TCAIM: variants seen among roughly 807,000 people sequenced by gnomAD.
TCAIM encodes the protein T cell activation inhibitor, mitochondrial.
Under a neutral mutation model 58.6 loss-of-function variants are expected in TCAIM, and 36 were observed. That is an observed-to-expected ratio of 0.61 (90% CI 0.47 to 0.81). The LOEUF (loss-of-function observed/expected upper bound fraction) is 0.81, where lower values mean the gene tolerates loss of function less well. Among genes scored for constraint, TCAIM ranks in the 30% least tolerant of loss-of-function variants. TCAIM has a pLI of 0.00. For missense variants in TCAIM, 466 were observed against 579.6 expected, an observed-to-expected ratio of 0.80 and a Z score of 2.01; for synonymous variants, 172 against 193.6, an observed-to-expected ratio of 0.89 and a Z score of 0.93.
intron 1 of TCAIM, among the ~76,000 whole-genome samples, chr3:44,349,754 C>G (rs780658796): frequency 6.6e-6 from 1 of 151,772 alleles, no homozygotes; most frequent in African/African-American, 2.4e-5. Flanking sequence ...TCTGTCTCTA[C>G]CAGAAAGGGA....
At chr3:44,402,883 A>T (rs1300932146) in intron 10 of TCAIM, among the ~76,000 whole-genome samples, 1 of 152,102 alleles carries the variant, frequency 6.6e-6, no homozygotes, top group African/African-American at 2.4e-5. Context: ...CTGGTTGTTT[A>T]GCAGGGTGCC....
rs570759907 is a variant in TCAIM, at chr3:44,372,036, A to G, written c.572+4328A>G. Among the ~76,000 whole-genome samples, 122 of 146,700 alleles carry G rather than the reference A, an allele frequency of 8.3e-4. 4 individuals are homozygous for G. Among genetic ancestry groups the G allele is most frequent in the South Asian group, 1.4e-3 (6 of 4,416 alleles). On this transcript the variant is annotated intron_variant, in intron 5 of 10. Transcript: ENST00000342649. ...AAGGAAGGAAGGAAGGAAGGAAGGA[A>G]GGAAGGAAGGAAGGAAGGAAGGAAG...
chr3:44,362,233 G>A (rs1212821382), intron 4 of TCAIM, among the ~76,000 whole-genome samples: 1 of 152,128 alleles, frequency 6.6e-6, no homozygotes, highest in Non-Finnish European at 1.5e-5. Context: ...GAAACAAACT[G>A]TTATAAAACT....
chr3:44,380,436 A>G (rs1225026913), intron 5 of TCAIM, among the ~76,000 whole-genome samples: 1 of 152,168 alleles, frequency 6.6e-6, no homozygotes, highest in Non-Finnish European at 1.5e-5. Context: ...GAAAATATAG[A>G]TGAATGAAAA....
intron 5 of TCAIM, among the ~76,000 whole-genome samples, chr3:44,386,963 A>G (rs1701753349): frequency 1.3e-5 from 2 of 152,250 alleles, no homozygotes; most frequent in Non-Finnish European, 2.9e-5. Context: ...GGTGAAGTCC[A>G]TGGCCCAGAG....
intron 1 of TCAIM, among the ~76,000 whole-genome samples, chr3:44,344,808 G>A (rs937284807): frequency 6.6e-6 from 1 of 152,048 alleles, no homozygotes; most frequent in Non-Finnish European, 1.5e-5. Flanking sequence ...GTAGGTAGTG[G>A]GGAAGATTAC....
Position 44,409,117 on chromosome 3 carries a change from A to G in TCAIM, c.*1435A>G, listed in dbSNP as rs1702143680. 6.6e-6 allele frequency: 1 copy of G among 152,220 alleles called. No homozygotes were observed. The highest frequency in any genetic ancestry group is 1.5e-5 in the Non-Finnish European group (1 of 68,042). 9.4% of individuals were successfully genotyped at this position (152,220 alleles called of 1,614,324 possible). Reference sequence around the variant, plus strand: ...TTGAAGTATGTTTTATATTTATCTAAAACACTGATTTTAAAAGTTTACATT... The same window carrying G: ...TTGAAGTATGTTTTATATTTATCTAGAACACTGATTTTAAAAGTTTACATT... On this transcript the variant is annotated 3_prime_UTR_variant, in exon 11 of 11. Transcript: ENST00000342649.
intron 5 of TCAIM, among the ~76,000 whole-genome samples, chr3:44,373,587 G>A (rs1481379517): frequency 1.3e-5 from 2 of 152,234 alleles, no homozygotes; most frequent in East Asian, 1.9e-4. Context: ...CCGGGAGGCA[G>A]AGATTGCAGT....
intron 4 of TCAIM, among the ~76,000 whole-genome samples, chr3:44,366,794 G>T (rs1294190872): frequency 6.6e-6 from 1 of 152,098 alleles, no homozygotes; most frequent in Non-Finnish European, 1.5e-5. Context: ...TAGAGACGGG[G>T]TTTCACCGTC....
At chr3:44,339,576 AT>A in intron 1 of TCAIM, 1 of 152,308 alleles carries the variant, frequency 6.6e-6, no homozygotes, top group Non-Finnish European at 1.5e-5. Context: ...AAAATTAGAA[AT>A]TTTCACTTTA....
intron 4 of TCAIM, among the ~76,000 whole-genome samples, chr3:44,364,570 G>A (rs184687402): frequency 4.1e-4 from 63 of 151,992 alleles, no homozygotes; most frequent in African/African-American, 1.4e-3. Flanking sequence ...GCAAAACCCC[G>A]TCTCTACTAA....
At position 44,361,353 on chromosome 3, in the gene TCAIM, GT is replaced by G; in HGVS notation, c.166-5del. 3.8e-6 allele frequency: 6 copies of G among 1,588,030 alleles called. No individual in the cohort carries two copies. Among genetic ancestry groups the G allele is most frequent in the Admixed American group, 1.9e-5 (1 of 53,896 alleles). ...TATTTTGTATGTAAATGCCCTTAAT[GT>G]TTTTTTCCAGGAAATCAATGAAAAT... On this transcript the variant is annotated splice_polypyrimidine_tract_variant and intron_variant, in intron 3 of 10. Transcript: ENST00000342649.
chr3:44,405,291 T>G (rs533370017), intron 10 of TCAIM, among the ~76,000 whole-genome samples: 42 of 152,288 alleles, frequency 2.8e-4, no homozygotes, highest in African/African-American at 9.6e-4. Context: ...ATTTCAAATT[T>G]TAAAATCACT....
At chr3:44,384,394 G>A (rs1480790339) in intron 5 of TCAIM, among the ~76,000 whole-genome samples, 1 of 152,152 alleles carries the variant, frequency 6.6e-6, no homozygotes, top group Non-Finnish European at 1.5e-5. Context: ...ATTTCATGCT[G>A]TCTAGTGATC....
chr3:44,376,202 T>C (rs929023131), intron 5 of TCAIM, among the ~76,000 whole-genome samples: 1 of 152,198 alleles, frequency 6.6e-6, no homozygotes, highest in African/African-American at 2.4e-5. Context: ...GATTTCTTAT[T>C]CAAGTGATGA....
intron 1 of TCAIM, among the ~76,000 whole-genome samples, chr3:44,343,190 CTA>C (rs1700890739): frequency 6.6e-6 from 1 of 151,886 alleles, no homozygotes; most frequent in South Asian, 2.1e-4. Context: ...TCTTAACCAT[CTA>C]TGTTATTTAA....
intron 1 of TCAIM, among the ~76,000 whole-genome samples, chr3:44,353,163 C>G (rs183633949): frequency 1.5e-4 from 23 of 152,192 alleles, no homozygotes; most frequent in African/African-American, 5.5e-4. Flanking sequence ...TCAGGTGATC[C>G]GCCTGCCTCA....
At chr3:44,371,965 A>G (rs1185688258) in intron 5 of TCAIM, among the ~76,000 whole-genome samples, 2 of 151,588 alleles carry the variant, frequency 1.3e-5, no homozygotes, top group Non-Finnish European at 2.9e-5. Flanking sequence ...TCGCTCCCCA[A>G]AAACTATTGA....
intron 5 of TCAIM, among the ~76,000 whole-genome samples, chr3:44,379,491 G>C (rs373483689): frequency 3.2e-4 from 48 of 152,288 alleles, no homozygotes; most frequent in African/African-American, 1.1e-3. Context: ...AATGGACTGG[G>C]ACTGGTTAAG....
Sources: gnomAD v4.1 joint callset for allele counts (sites outside exome capture counted in the v4.1 genomes callset) on GRCh38, gnomAD v4.1.1 for gene constraint, MANE v1.5 for transcripts, NCBI Gene and HGNC (gene_info 2026-07-23, HGNC 2026-07-21) for gene names.